The following ITPR1 variants were observed in gnomAD, a reference collection of about 807,000 sequenced individuals.
The protein encoded by ITPR1 is inositol 1,4,5-trisphosphate-gated calcium channel ITPR1.
ITPR1 carries 96 observed loss-of-function variants against 318.4 expected under a neutral mutation model. The ratio of observed to expected loss-of-function variants is 0.30; its 90% confidence interval spans 0.26 to 0.36. The LOEUF (loss-of-function observed/expected upper bound fraction) is 0.36. ITPR1 is among the 10% of genes least tolerant of loss of function. The pLI is 1.00. For synonymous variants in ITPR1, 1,312 were observed against 1,289.9 expected (o/e 1.02, Z -0.37); for missense variants, 2,440 against 3,460.2 (o/e 0.71, Z 7.40).
chr3:4,584,588 A>C (rs2089686999), intron 4 of ITPR1, among the ~76,000 whole-genome samples: 1 of 150,872 alleles, frequency 6.6e-6, no homozygotes, highest in Admixed American at 6.6e-5. Flanking sequence ...AGGAAGTTGA[A>C]TTTATTAAGA....
chr3:4,643,119 C>A (rs1264332599), intron 7 of ITPR1, among the ~76,000 whole-genome samples: 3 of 152,116 alleles, frequency 2.0e-5, no homozygotes, highest in Admixed American at 6.5e-5. Context: ...TAGTACCAGA[C>A]CATTCCCTCA....
chr3:4,647,494 A>AT (rs1261243622), intron 10 of ITPR1, among the ~76,000 whole-genome samples: 1 of 152,226 alleles, frequency 6.6e-6, no homozygotes, highest in Non-Finnish European at 1.5e-5. Flanking sequence ...CATGGTATAT[A>AT]TTCAACTTTA....
intron 44 of ITPR1, among the ~76,000 whole-genome samples, chr3:4,752,892 C>T (rs575593328): frequency 1.3e-5 from 2 of 152,264 alleles, no homozygotes; most frequent in South Asian, 4.1e-4. Flanking sequence ...CCAACATAGC[C>T]CCTGCCCTCC....
At chr3:4,661,499 C>A (rs1318536219) in intron 14 of ITPR1, among the ~76,000 whole-genome samples, 1 of 152,142 alleles carries the variant, frequency 6.6e-6, no homozygotes, top group Non-Finnish European at 1.5e-5. Flanking sequence ...TGAATGTTCT[C>A]TCCAGCCCCT....
intron 44 of ITPR1, among the ~76,000 whole-genome samples, chr3:4,743,201 C>T (rs1486964893): frequency 6.6e-6 from 1 of 152,144 alleles, no homozygotes; most frequent in Non-Finnish European, 1.5e-5. Flanking sequence ...CCTACTTTAT[C>T]TGCCTTTGAC....
intron 46 of ITPR1, among the ~76,000 whole-genome samples, chr3:4,772,378 A>T (rs1312865728): frequency 1.3e-5 from 2 of 152,194 alleles, no homozygotes; most frequent in East Asian, 3.8e-4. Context: ...TATAACCTTA[A>T]CTTTCCTGTT....
chr3:4,814,706 A>T, intron 58 of ITPR1, 144 bp downstream of exon 58: 1 of 747,286 alleles, frequency 1.3e-6, no homozygotes, highest in South Asian at 1.8e-5. Context: ...CTAGCTCATC[A>T]GGCTCCTTTC....
At chr3:4,680,831 C>A (rs1338448046) in intron 25 of ITPR1, 140 bp downstream of exon 25, 1 of 738,898 alleles carries the variant, frequency 1.4e-6, no homozygotes, top group Non-Finnish European at 2.1e-6. Context: ...CTGGCAGTTA[C>A]TCTTTTTGAG....
At chr3:4,499,484 T>G (rs2080857924) in intron 2 of ITPR1, among the ~76,000 whole-genome samples, 1 of 152,106 alleles carries the variant, frequency 6.6e-6, no homozygotes, top group African/African-American at 2.4e-5. Context: ...TTCCCTGATA[T>G]ATATACATAT....
At chr3:4,699,664 T>C in intron 34 of ITPR1, 149 bp from the exon 35 acceptor site, 1 of 644,160 alleles carries the variant, frequency 1.6e-6, no homozygotes, top group Non-Finnish European at 2.6e-6. Context: ...ATTTATATTT[T>C]ATTATTATGA....
chr3:4,740,000 C>T (rs2043583235), intron 44 of ITPR1, among the ~76,000 whole-genome samples: 2 of 152,280 alleles, frequency 1.3e-5, no homozygotes, highest in East Asian at 3.9e-4. Context: ...AGCTACTAGC[C>T]TTTTCAAAGC....
At chr3:4,730,485 C>G (rs770926690) in intron 42 of ITPR1, among the ~76,000 whole-genome samples, 3 of 150,708 alleles carry the variant, frequency 2.0e-5, no homozygotes, top group Non-Finnish European at 4.4e-5. Flanking sequence ...TTTGATGCAT[C>G]AGTTGCTATG....
intron 4 of ITPR1, among the ~76,000 whole-genome samples, chr3:4,526,525 C>G (rs549802147): frequency 6.6e-6 from 1 of 152,356 alleles, no homozygotes; most frequent in East Asian, 1.9e-4. Flanking sequence ...AGTTACACTC[C>G]TTCTTGCTTT....
chr3:4,661,963 A>AACTGC (rs778727607), intron 14 of ITPR1, 119 bp from the exon 15 acceptor site: 21 of 791,482 alleles, frequency 2.7e-5, no homozygotes, highest in Non-Finnish European at 3.9e-5. Flanking sequence ...ATATCATTTT[A>AACTGC]ACTGCAAGAT....
chr3:4,754,056 G>C (rs371477837), intron 44 of ITPR1, among the ~76,000 whole-genome samples: 1 of 132,170 alleles, frequency 7.6e-6, no homozygotes, highest in Non-Finnish European at 1.7e-5. Flanking sequence ...AATGGGGGGG[G>C]GGTGGCAAGG....
intron 46 of ITPR1, among the ~76,000 whole-genome samples, chr3:4,769,302 A>G (rs541373433): frequency 6.6e-6 from 1 of 152,260 alleles, no homozygotes; most frequent in Non-Finnish European, 1.5e-5. Context: ...GTGCACCAAC[A>G]TAGGTGCCTG....
At chr3:4,658,374 T>A in intron 13 of ITPR1, 96 bp downstream of exon 13, 1 of 1,058,286 alleles carries the variant, frequency 9.4e-7, no homozygotes, top group South Asian at 1.7e-5. Context: ...GCCTTTTCTT[T>A]TAGATTTTTA....
chr3:4,494,020 C>G (rs940332688), intron 1 of ITPR1, among the ~76,000 whole-genome samples: 1 of 152,058 alleles, frequency 6.6e-6, no homozygotes, highest in Admixed American at 6.6e-5. Flanking sequence ...GTAGGGGCCC[C>G]CCGTGGGGAG....
At chr3:4,726,908 C>A (rs2042557165) in intron 41 of ITPR1, among the ~76,000 whole-genome samples, 1 of 152,144 alleles carries the variant, frequency 6.6e-6, no homozygotes. Context: ...CCATTTTGAA[C>A]AGTGCACTAG....
Sources: allele counts gnomAD v4.1 joint callset (sites outside exome capture counted in the v4.1 genomes callset), GRCh38; gene constraint gnomAD v4.1.1; transcripts MANE v1.5; gene names NCBI Gene and HGNC (gene_info 2026-07-23, HGNC 2026-07-21).